The following MYLK variants were observed in gnomAD, a reference collection of about 807,000 sequenced individuals.
The protein encoded by MYLK is myosin light chain kinase, also known as myosin light chain kinase, smooth muscle.
A neutral mutation model predicts 203.4 loss-of-function variants in MYLK; 106 were observed. The observed-to-expected ratio is 0.52, with a 90% CI of 0.45 to 0.61. MYLK has a LOEUF of 0.61. Ranked by LOEUF, MYLK falls within the 20% of genes least tolerant of loss-of-function variation. The pLI is 0.00. For synonymous variants in MYLK, 867 were observed against 959.5 expected (o/e 0.90, Z 1.78); for missense variants, 2,072 against 2,442.3 (o/e 0.85, Z 3.20).
chr3:123,646,457 T>C (rs1560010896), intron 27 of MYLK, among the ~76,000 whole-genome samples: 1 of 152,206 alleles, frequency 6.6e-6, no homozygotes, highest in Admixed American at 6.5e-5. Context: ...CTGTTAAGAA[T>C]GCAGATGCTG....
intron 24 of MYLK, among the ~76,000 whole-genome samples, chr3:123,653,229 C>G (rs1035203562): frequency 8.5e-5 from 13 of 152,076 alleles, no homozygotes; most frequent in Non-Finnish European, 1.8e-4. Context: ...TTGATCCCAC[C>G]TCTCTGCCAA....
intron 2 of MYLK, among the ~76,000 whole-genome samples, chr3:123,851,833 A>G (rs930910112): frequency 1.4e-4 from 22 of 152,172 alleles, no homozygotes; most frequent in African/African-American, 5.1e-4. Flanking sequence ...AGTTTTCAAA[A>G]GGAATGCTTC....
chr3:123,785,806 C>T (rs115053060), intron 4 of MYLK, among the ~76,000 whole-genome samples: 1,540 of 152,188 alleles, frequency 0.01, 35 homozygotes, highest in African/African-American at 0.036. Flanking sequence ...TTAAATAGTG[C>T]TGATGCGGCT....
rs1433697667 is a variant in MYLK at position 123,693,544 on chromosome 3, T to C, written c.3449-693A>G. On this transcript the variant is annotated intron_variant, in intron 18 of 33. Coordinates refer to ENST00000360304, the MANE Select transcript of MYLK (RefSeq NM_053025.4). The stretch of plus-strand genomic sequence containing the variant: ...GCTGCCTCCCTTCGGAGTTGGGTCT[T>C]CTGGTTGCCCCAGAGAGAAGTGGGG... 4 of 154,026 alleles carry C rather than the reference T, an allele frequency of 2.6e-5. No individual in the cohort carries two copies. In the East Asian group the frequency reaches 7.7e-4, roughly 30 times the overall value. The allele number at this position is 154,026 out of a possible 1,614,324, so 9.5% of individuals were successfully genotyped here.
intron 18 of MYLK, among the ~76,000 whole-genome samples, chr3:123,694,230 C>T (rs1213198914): frequency 6.6e-6 from 1 of 152,206 alleles, no homozygotes; most frequent in Non-Finnish European, 1.5e-5. Context: ...GGCTGATCTG[C>T]ACCCCACTCC....
intron 3 of MYLK, among the ~76,000 whole-genome samples, chr3:123,825,576 C>T (rs2066087984): frequency 6.6e-6 from 1 of 152,346 alleles, no homozygotes; most frequent in South Asian, 2.1e-4. Context: ...ACAAAGTATG[C>T]ACTTCCCATC....
chr3:123,780,293 G>A (rs553572069), intron 4 of MYLK, among the ~76,000 whole-genome samples: 1 of 152,238 alleles, frequency 6.6e-6, no homozygotes, highest in Non-Finnish European at 1.5e-5. Flanking sequence ...AATTAGCCCG[G>A]CATGGTGGCA....
At chr3:123,765,348 T>C (rs1335203066) in intron 4 of MYLK, among the ~76,000 whole-genome samples, 2 of 152,068 alleles carry the variant, frequency 1.3e-5, no homozygotes, top group East Asian at 1.9e-4. Context: ...CTGGCCAACA[T>C]GGTGAAACCC....
At chr3:123,651,503 G>T (rs1279215880) in intron 24 of MYLK, among the ~76,000 whole-genome samples, 1 of 152,142 alleles carries the variant, frequency 6.6e-6, no homozygotes, top group Non-Finnish European at 1.5e-5. Context: ...TGGTGCTGCT[G>T]CCTGATATAG....
chr3:123,873,709 A>G (rs1302660593), intron 2 of MYLK, among the ~76,000 whole-genome samples: 1 of 152,178 alleles, frequency 6.6e-6, no homozygotes, highest in Non-Finnish European at 1.5e-5. Flanking sequence ...CCAGCCTTTT[A>G]AATTGTTTAA....
At chr3:123,690,126 C>A (rs934244634) in intron 19 of MYLK, among the ~76,000 whole-genome samples, 2 of 152,196 alleles carry the variant, frequency 1.3e-5, no homozygotes, top group African/African-American at 4.8e-5. Context: ...GAAGTCAGCA[C>A]CAGCTGTAGT....
At chr3:123,778,176 G>C (rs1311247678) in intron 4 of MYLK, among the ~76,000 whole-genome samples, 1 of 152,084 alleles carries the variant, frequency 6.6e-6, no homozygotes, top group African/African-American at 2.4e-5. Context: ...GTTCTCAGGA[G>C]TAAGGGGCAA....
intron 16 of MYLK, among the ~76,000 whole-genome samples, chr3:123,701,710 A>C (rs1416598093): frequency 1.3e-5 from 2 of 152,236 alleles, no homozygotes; most frequent in South Asian, 2.1e-4. Flanking sequence ...CTTATTTAAA[A>C]AGAAGAAGAA....
At chr3:123,693,547 G>C (rs1327204615) in intron 18 of MYLK, 2 of 154,034 alleles carry the variant, frequency 1.3e-5, no homozygotes, top group African/African-American at 4.8e-5. Context: ...TGGGTCTTCT[G>C]GTTGCCCCAG....
chr3:123,752,277 T>G, intron 5 of MYLK, 54 bp downstream of exon 5: 3 of 1,580,478 alleles, frequency 1.9e-6, no homozygotes, highest in Non-Finnish European at 2.6e-6. Context: ...GCTGCAGGCC[T>G]TGGGGTAACT....
Position 123,861,262 on chromosome 3 carries a change from G to A in MYLK, c.-127+15297C>T, listed in dbSNP as rs1453530899. On this transcript the variant is annotated intron_variant, in intron 2 of 33. Coordinates refer to ENST00000360304, the MANE Select transcript of MYLK (RefSeq NM_053025.4). ...AAAAAGAAACTAGCCAAGCAGCCCC[G>A]AGGGCCTACCAAGATAAGCTCTGCA... Among the ~76,000 whole-genome samples, 7 of 152,190 alleles carry A rather than the reference G, an allele frequency of 4.6e-5. No individual in the cohort carries two copies. In the East Asian group the frequency reaches 5.8e-4, roughly 13 times the overall value.
chr3:123,625,828 G>T (rs893468350), intron 31 of MYLK, among the ~76,000 whole-genome samples: 3 of 150,850 alleles, frequency 2.0e-5, no homozygotes, highest in Non-Finnish European at 4.4e-5. Context: ...AAAAAGAATT[G>T]TAATTCTAAT....
chr3:123,866,936 T>C (rs572262435), intron 2 of MYLK, among the ~76,000 whole-genome samples: 209 of 152,264 alleles, frequency 1.4e-3, no homozygotes, highest in African/African-American at 4.6e-3. Flanking sequence ...GATCTGCATG[T>C]CTGCCCAGTC....
chr3:123,619,821 A>G (rs1304180241), intron 32 of MYLK, among the ~76,000 whole-genome samples: 1 of 152,238 alleles, frequency 6.6e-6, no homozygotes, highest in African/African-American at 2.4e-5. Flanking sequence ...ATATTTTATA[A>G]ATCTTACACA....
Sources: gnomAD v4.1 joint callset for allele counts (sites outside exome capture counted in the v4.1 genomes callset) on GRCh38, gnomAD v4.1.1 for gene constraint, MANE v1.5 for transcripts, NCBI Gene and HGNC (gene_info 2026-07-23, HGNC 2026-07-21) for gene names.